The following CTNNA3 variants were observed in gnomAD, a reference collection of about 807,000 sequenced individuals.
CTNNA3 encodes the protein catenin alpha 3.
In CTNNA3, 76 loss-of-function variants were observed where a neutral mutation model predicts 95.7. The observed-to-expected ratio is 0.79, with a 90% CI of 0.66 to 0.96. The LOEUF (loss-of-function observed/expected upper bound fraction) is 0.96, where lower values mean the gene tolerates loss of function less well. Ranked by LOEUF, CTNNA3 falls within the 40% of genes least tolerant of loss-of-function variation. The probability of loss-of-function intolerance (pLI) is 0.00; values close to 1 mark genes in which losing one functional copy is unlikely to be tolerated. For synonymous variants in CTNNA3, 431 were observed against 374.4 expected (o/e 1.15, Z -1.74); for missense variants, 1,191 against 1,089.8 (o/e 1.09, Z -1.31).
intron 11 of CTNNA3, among the ~76,000 whole-genome samples, chr10:66,443,303 A>G (rs1009311645): frequency 6.6e-6 from 1 of 152,190 alleles, no homozygotes; most frequent in African/African-American, 2.4e-5. Context: ...AGCTTTGAAG[A>G]GAGTAATGGT....
At chr10:66,038,785 T>G (rs937990557) in intron 15 of CTNNA3, among the ~76,000 whole-genome samples, 3 of 152,166 alleles carry the variant, frequency 2.0e-5, no homozygotes, top group African/African-American at 7.2e-5. Flanking sequence ...ACAGCCAACA[T>G]CATAATGAAT....
At chr10:67,266,220 A>G (rs1589106780) in intron 5 of CTNNA3, among the ~76,000 whole-genome samples, 1 of 152,166 alleles carries the variant, frequency 6.6e-6, no homozygotes, top group Non-Finnish European at 1.5e-5. Flanking sequence ...AAAAAGCAAA[A>G]GACAAGAAAG....
At chr10:67,329,844 G>A (rs76151020) in intron 5 of CTNNA3, among the ~76,000 whole-genome samples, 5,660 of 152,242 alleles carry the variant, frequency 0.037, 153 homozygotes, top group South Asian at 0.1. Context: ...AAGTCTGGAG[G>A]TAAAGTGCTC....
At chr10:67,701,603 C>A (rs193127253) in intron 1 of CTNNA3, among the ~76,000 whole-genome samples, 4,764 of 152,210 alleles carry the variant, frequency 0.031, 247 homozygotes, top group African/African-American at 0.11. Flanking sequence ...ACAGGCCTGC[C>A]CTAAAACAGC....
intron 12 of CTNNA3, among the ~76,000 whole-genome samples, chr10:66,293,909 C>T (rs2091732514): frequency 6.6e-6 from 1 of 152,062 alleles, no homozygotes; most frequent in Non-Finnish European, 1.5e-5. Flanking sequence ...TCGTGATCTG[C>T]CCACCTCTGC....
At chr10:66,316,092 A>G (rs1449743456) in intron 12 of CTNNA3, among the ~76,000 whole-genome samples, 1 of 152,134 alleles carries the variant, frequency 6.6e-6, no homozygotes, top group Non-Finnish European at 1.5e-5. Flanking sequence ...AAATAAGACA[A>G]AGAGACTTTC....
intron 11 of CTNNA3, among the ~76,000 whole-genome samples, chr10:66,461,685 G>GTATATA (rs141247399): frequency 0.057 from 7,940 of 140,020 alleles, 244 homozygotes; most frequent in East Asian, 0.098. Context: ...ATATATATAT[G>GTATATA]TATATATATA....
intron 7 of CTNNA3, among the ~76,000 whole-genome samples, chr10:67,138,570 C>A (rs779845199): frequency 7.9e-5 from 12 of 152,162 alleles, no homozygotes; most frequent in Admixed American, 2.6e-4. Flanking sequence ...CTGTCCCTGA[C>A]ACAACTCACA....
At chr10:67,583,884 T>A (rs1206411413) in intron 3 of CTNNA3, among the ~76,000 whole-genome samples, 1 of 152,204 alleles carries the variant, frequency 6.6e-6, no homozygotes, top group Non-Finnish European at 1.5e-5. Context: ...GTCACGTAGT[T>A]CTCGTGCCAT....
At chr10:66,551,102 G>C (rs1842201706) in intron 10 of CTNNA3, among the ~76,000 whole-genome samples, 1 of 152,028 alleles carries the variant, frequency 6.6e-6, no homozygotes, top group African/African-American at 2.4e-5. Context: ...ATGACGGAAG[G>C]TCCAGATATC....
chr10:66,623,325 C>A (rs1470726227), intron 9 of CTNNA3, among the ~76,000 whole-genome samples: 1 of 151,852 alleles, frequency 6.6e-6, no homozygotes, highest in Non-Finnish European at 1.5e-5. Flanking sequence ...GCTGGTTAAC[C>A]CAAAGCTTAG....
chr10:67,316,438 T>C (rs1841053241), intron 5 of CTNNA3, among the ~76,000 whole-genome samples: 1 of 152,190 alleles, frequency 6.6e-6, no homozygotes, highest in Non-Finnish European at 1.5e-5. Context: ...AATATTCTAA[T>C]AGTTAAATCT....
At chr10:66,376,197 A>G (rs2092795936) in intron 12 of CTNNA3, among the ~76,000 whole-genome samples, 1 of 152,200 alleles carries the variant, frequency 6.6e-6, no homozygotes, top group Non-Finnish European at 1.5e-5. Flanking sequence ...ACTGAAGTTG[A>G]CACTAAGAGT....
chr10:67,520,678 G>T (rs979794550), intron 5 of CTNNA3, among the ~76,000 whole-genome samples: 3 of 152,110 alleles, frequency 2.0e-5, no homozygotes, highest in African/African-American at 7.2e-5. Flanking sequence ...GAATGTATTT[G>T]CCCTGGAACA....
chr10:66,065,708 T>G (rs2133588083), intron 15 of CTNNA3, among the ~76,000 whole-genome samples: 1 of 152,234 alleles, frequency 6.6e-6, no homozygotes, highest in South Asian at 2.1e-4. Flanking sequence ...TCTTCAAAGC[T>G]TCTGTTCCTC....
intron 17 of CTNNA3, among the ~76,000 whole-genome samples, chr10:65,938,410 A>AC (rs1293778910): frequency 2.0e-5 from 3 of 151,888 alleles, no homozygotes; most frequent in Non-Finnish European, 4.4e-5. Flanking sequence ...AAAGATGACA[A>AC]AAAAAAATGA....
At chr10:67,352,985 A>G (rs1025572585) in intron 5 of CTNNA3, among the ~76,000 whole-genome samples, 5 of 152,008 alleles carry the variant, frequency 3.3e-5, no homozygotes, top group African/African-American at 9.7e-5. Flanking sequence ...TAAAAGCAAA[A>G]CAGTGGGAAG....
intron 13 of CTNNA3, among the ~76,000 whole-genome samples, chr10:66,137,102 G>A (rs533580219): frequency 1.2e-4 from 18 of 152,088 alleles, no homozygotes; most frequent in African/African-American, 3.9e-4. Flanking sequence ...GAGCCACCGC[G>A]CCCAGCCTAG....
chr10:67,212,488 A>C (rs1864178922), intron 6 of CTNNA3, among the ~76,000 whole-genome samples: 1 of 151,872 alleles, frequency 6.6e-6, no homozygotes, highest in Non-Finnish European at 1.5e-5. Context: ...TCATATTGAC[A>C]TGTATTACTA....
Sources: allele counts gnomAD v4.1 joint callset (sites outside exome capture counted in the v4.1 genomes callset), GRCh38; gene constraint gnomAD v4.1.1; transcripts MANE v1.5; gene names NCBI Gene and HGNC (gene_info 2026-07-23, HGNC 2026-07-21).